The following EXTL1 variants were observed in gnomAD, a reference collection of about 807,000 sequenced individuals.
EXTL1 encodes the protein exostosin-like 1.
Under a neutral mutation model 64.6 loss-of-function variants are expected in EXTL1, and 43 were observed. The observed-to-expected ratio is 0.67, with a 90% confidence interval of 0.52 to 0.86. EXTL1 has a LOEUF of 0.86. EXTL1 is among the 40% of genes least tolerant of loss of function. The pLI, the probability that EXTL1 is intolerant of heterozygous loss-of-function variation, is 0.00. For missense variants in EXTL1, 766 were observed against 879.0 expected (o/e 0.87, Z 1.62); for synonymous variants, 352 against 360.5 (o/e 0.98, Z 0.27).
At position 26,022,786 on chromosome 1, in the gene EXTL1, C is replaced by T; in HGVS notation, c.140C>T (p.Pro47Leu). 6.2e-7 allele frequency: 1 copy of T among 1,614,082 alleles called. No individual in the cohort carries two copies. Among genetic ancestry groups the T allele is most frequent in the Non-Finnish European group, 8.5e-7 (1 of 1,179,992 alleles). ...RPRPGASQGWPRWLDAELLQS... is the reference protein window; with the variant it reads ...RPRPGASQGWLRWLDAELLQS... The stretch of plus-strand genomic sequence containing the variant: ...CGGCCCGGGGCTTCCCAAGGCTGGC[C>T]CCGCTGGCTGGATGCAGAGCTCCTG... Residue 47 changes from proline to leucine, a missense_variant, in exon 1 of 11, where the codon CCC becomes CTC. Physicochemically the swap from Pro to Leu is moderately conservative, Grantham distance 98. Transcript: ENST00000374280.
In EXTL1 at chr1:26,033,192, T is replaced by C; in HGVS notation, c.1432-37T>C. 7.0e-7 allele frequency: 1 copy of C among 1,438,238 alleles called. No individual in the cohort carries two copies. Among genetic ancestry groups the C allele is most frequent in the Non-Finnish European group, 9.8e-7 (1 of 1,020,014 alleles). The allele number at this position is 1,438,238 out of a possible 1,614,324, so 89.1% of individuals were successfully genotyped here. On this transcript the variant is annotated intron_variant, in intron 7 of 10. Coordinates refer to ENST00000374280, the MANE Select transcript of EXTL1 (RefSeq NM_004455.3). The surrounding 1 kb of genome is among the most constrained non-coding windows in gnomAD (Gnocchi z 5.1). ...TTATTGGATGGGGGTGGGGGGAATGTTCCAATGGCTGAGTTCCCCTCCCCC... is the reference window on the plus strand; with the variant it reads ...TTATTGGATGGGGGTGGGGGGAATGCTCCAATGGCTGAGTTCCCCTCCCCC...
rs935390191 is a variant in EXTL1, at chr1:26,036,169, T to A, written c.*822T>A. The A allele has an allele frequency of 1.3e-5, 2 of 152,834 alleles. No homozygotes were observed. The highest frequency in any genetic ancestry group is 1.9e-4 in the East Asian group (1 of 5,182). 9.5% of individuals were successfully genotyped at this position (152,834 alleles called of 1,614,324 possible). A position where few individuals can be genotyped will look rare whatever the true frequency, so the allele number is the denominator to read the frequency against. ...CGTCGCGCCGCACTCTTCACCCGCA[T>A]GTCCAGAGGGCGGCCGGGATGTGGA... On this transcript the variant is annotated 3_prime_UTR_variant, in exon 11 of 11. Coordinates refer to ENST00000374280, the MANE Select transcript of EXTL1 (RefSeq NM_004455.3). This position sits in a 1 kb window ranked among gnomAD's most constrained non-coding sequence, Gnocchi z 5.2.
In EXTL1 at chr1:26,023,423, G is replaced by A. The variant is rs1271060901; in HGVS notation, c.777G>A (p.Gly259=). The A allele has an allele frequency of 1.4e-6, 2 of 1,437,818 alleles. No homozygotes were observed. The highest frequency in any genetic ancestry group is 3.0e-5 in the Admixed American group (1 of 33,508). 89.1% of individuals were successfully genotyped at this position (1,437,818 alleles called of 1,614,324 possible). Residue 259 remains glycine (G), a splice_region_variant and synonymous_variant, in exon 1 of 11, where the codon GGG becomes GGA. Coordinates refer to ENST00000374280, the MANE Select transcript of EXTL1 (RefSeq NM_004455.3). ...GCTGTGAGCAAGACCCTGGACCTGG[G>A]CAGTAAGTGAACCTTTTGCCTTGGG... ...DGRCEQDPGP[G]QTQRQETLPN...
chr1:26,030,655 T>C, intron 4 of EXTL1, 60 bp downstream of exon 4: 1 of 1,528,294 alleles, frequency 6.5e-7, no homozygotes, highest in Non-Finnish European at 8.8e-7. Flanking sequence ...CCCTGTCACC[T>C]CTCCATACTT....
At position 26,033,377 on chromosome 1, in the gene EXTL1, G is replaced by A; in HGVS notation, c.1518+62G>A. 1.4e-6 allele frequency: 2 copies of A among 1,429,648 alleles called. No individual in the cohort carries two copies. Among genetic ancestry groups the A allele is most frequent in the Non-Finnish European group, 2.0e-6 (2 of 1,013,392 alleles). The allele number at this position is 1,429,648 out of a possible 1,614,324, so 88.6% of individuals were successfully genotyped here. On this transcript the variant is annotated intron_variant, in intron 8 of 10. Transcript: ENST00000374280. This position sits in a 1 kb window ranked among gnomAD's most constrained non-coding sequence, Gnocchi z 5.1. ...GACACAGAGCCAGAGGGCCCTGGCA[G>A]CCCCTCAGGTTCCCAGGGTTGAGGG...
chr1:26,035,547 C>A lies in EXTL1; in HGVS notation c.*200C>A. On this transcript the variant is annotated 3_prime_UTR_variant, in exon 11 of 11. Coordinates refer to ENST00000374280, the MANE Select transcript of EXTL1 (RefSeq NM_004455.3). This position sits in a 1 kb window ranked among gnomAD's most constrained non-coding sequence, Gnocchi z 5.3. ...CTGCTCGCCCTCAGCCGCGGAGCCT[C>A]TGCGGAGGCTGAGCCCCGCGACCGG... 2.1e-6 allele frequency: 1 copy of A among 468,282 alleles called. No homozygotes were observed. The highest frequency in any genetic ancestry group is 3.8e-6 in the Non-Finnish European group (1 of 264,912). The allele number at this position is 468,282 out of a possible 1,614,324, so 29.0% of individuals were successfully genotyped here.
chr1:26,029,906 G>T (rs2050264083), intron 3 of EXTL1, among the ~76,000 whole-genome samples, 199 bp downstream of exon 3: 2 of 152,224 alleles, frequency 1.3e-5, no homozygotes, highest in South Asian at 4.1e-4. Context: ...GGTTCTGAGA[G>T]CAAGTCCTGA....
At position 26,029,700 on chromosome 1, in the gene EXTL1, C is replaced by T. The variant is rs958278692; in HGVS notation, c.974C>T (p.Pro325Leu). 1.0e-5 allele frequency: 16 copies of T among 1,607,548 alleles called. No individual in the cohort carries two copies. In the African/African-American group the frequency reaches 2.1e-4, roughly 21 times the overall value. The change falls in exon 3 of 11, where the codon CCA becomes CTA. Residue 325 changes from proline (P) to leucine (L), a missense_variant. Pro to Leu is a moderately conservative substitution (Grantham distance 98). Coordinates refer to ENST00000374280, the MANE Select transcript of EXTL1 (RefSeq NM_004455.3). Reference protein sequence around the residue: ...KAAIVADERLPLQVLAALQEM... With the variant: ...KAAIVADERLLLQVLAALQEM... ...GCCATCGTAGCTGATGAGAGGCTCC[C>T]ACTTCAGGTAGCTCAGAGCCCTGCC...
rs564898002 is a variant in EXTL1, at chr1:26,029,437, A to G, written c.873+151A>G. 4.1e-6 allele frequency: 3 copies of G among 739,846 alleles called. No homozygotes were observed. In the African/African-American group the frequency reaches 5.2e-5, roughly 13 times the overall value. The allele number at this position is 739,846 out of a possible 1,614,324, so 45.8% of individuals were successfully genotyped here. A position where few individuals can be genotyped will look rare whatever the true frequency, so the allele number is the denominator to read the frequency against. ...GCATGCCTGTGTCCCCATTCACTGC[A>G]CCCTCTGCAGAACAACCATAACCTC... On this transcript the variant is annotated intron_variant, in intron 2 of 10. Transcript: ENST00000374280.
rs115598897 is a variant in EXTL1 at position 26,022,282 on chromosome 1, G to A, written c.-365G>A. On this transcript the variant is annotated 5_prime_UTR_variant, in exon 1 of 11. Coordinates refer to ENST00000374280, the MANE Select transcript of EXTL1 (RefSeq NM_004455.3). ...CAAGGGGTGCAGCCAGGAGGGCAGG[G>A]GGACACGGCCCTGCATTCTGGACAG... 1,154 of 201,012 alleles carry A rather than the reference G, an allele frequency of 5.7e-3. 11 individuals carry two copies. The highest frequency in any genetic ancestry group is 0.022 in the African/African-American group (934 of 43,172). The allele number at this position is 201,012 out of a possible 1,614,324, so 12.5% of individuals were successfully genotyped here.
intron 1 of EXTL1, among the ~76,000 whole-genome samples, chr1:26,028,782 A>G (rs1345356902): frequency 1.3e-5 from 2 of 152,210 alleles, no homozygotes. Flanking sequence ...GAGGCCACGC[A>G]GGCAAGGGGT....
At chr1:26,030,349 T>TG in intron 3 of EXTL1, 127 bp from the exon 4 acceptor site, 1 of 631,202 alleles carries the variant, frequency 1.6e-6, no homozygotes, top group Non-Finnish European at 2.4e-6. Flanking sequence ...TTTTTTTTTT[T>TG]TGAGATAGGA....
chr1:26,029,385 T>C, intron 2 of EXTL1, 99 bp downstream of exon 2: 4 of 964,984 alleles, frequency 4.1e-6, no homozygotes, highest in Non-Finnish European at 3.3e-6. Context: ...GGCAGTAAGC[T>C]GCCTGCTCCT....
In EXTL1 at chr1:26,022,850, C is replaced by T. The variant is rs772126430; in HGVS notation, c.204C>T (p.Ala68=). ...FSQPGELPED[A]VSPPQAPHGG... ...AGCCTGGAGAGCTCCCAGAAGATGC[C>T]GTTTCACCTCCTCAAGCCCCTCATG... Residue 68 remains alanine, a synonymous_variant, in exon 1 of 11, where the codon GCC becomes GCT. Coordinates refer to ENST00000374280, the MANE Select transcript of EXTL1 (RefSeq NM_004455.3). 1.7e-5 allele frequency: 27 copies of T among 1,613,918 alleles called. No individual in the cohort carries two copies. Among genetic ancestry groups the T allele is most frequent in the Admixed American group, 6.7e-5 (4 of 60,002 alleles).
chr1:26,026,116 G>A (rs2050212393), intron 1 of EXTL1, among the ~76,000 whole-genome samples: 1 of 151,680 alleles, frequency 6.6e-6, no homozygotes, highest in African/African-American at 2.4e-5. Flanking sequence ...GTGCAAGCCT[G>A]TAGTCCCAGC....
chr1:26,032,842 G>T (rs1423275221), intron 7 of EXTL1, among the ~76,000 whole-genome samples: 1 of 152,186 alleles, frequency 6.6e-6, no homozygotes, highest in Non-Finnish European at 1.5e-5. Flanking sequence ...CCACCTGCCT[G>T]CCGCATGGTT....
In EXTL1 at chr1:26,023,171, G is replaced by A. The variant is rs2050173064; in HGVS notation, c.525G>A (p.Leu175=). The stretch of plus-strand genomic sequence containing the variant: ...CTCCCTGCCCCAGGACCTTCCAGCT[G>A]GGACAGGCTATGGTGGCTGAGGCCA... The part of the protein sequence containing the change: ...HPAPCPRTFQ[L]GQAMVAEASP... Residue 175 remains leucine (L), a synonymous_variant, in exon 1 of 11, where the codon CTG becomes CTA. Coordinates refer to ENST00000374280, the MANE Select transcript of EXTL1 (RefSeq NM_004455.3). 6.2e-6 allele frequency: 10 copies of A among 1,613,914 alleles called. No individual in the cohort carries two copies. Among genetic ancestry groups the A allele is most frequent in the Non-Finnish European group, 8.5e-6 (10 of 1,180,028 alleles).
intron 1 of EXTL1, among the ~76,000 whole-genome samples, chr1:26,026,242 CAAAA>C (rs60657422): frequency 1.2e-5 from 1 of 84,484 alleles, no homozygotes; most frequent in Admixed American, 1.5e-4. Context: ...GACTCTGTTT[CAAAA>C]AAAAAAAAAA....
intron 7 of EXTL1, among the ~76,000 whole-genome samples, chr1:26,032,700 G>A (rs1006346617): frequency 4.6e-5 from 7 of 152,200 alleles, no homozygotes; most frequent in African/African-American, 1.7e-4. Flanking sequence ...ACATGATGGG[G>A]AAAGACAGAG....
Sources: allele counts gnomAD v4.1 joint callset (sites outside exome capture counted in the v4.1 genomes callset), GRCh38; gene constraint gnomAD v4.1.1; non-coding constraint Gnocchi (gnomAD v3.1); transcripts MANE v1.5; gene names NCBI Gene and HGNC (gene_info 2026-07-23, HGNC 2026-07-21).